Variants in SKIC3 observed in about 807,000 individuals in gnomAD.
SKIC3 encodes superkiller complex protein 3.
At chr5:95,536,949 C>T in the SKIC3 span, 1 of 1,601,660 alleles carries the variant, frequency 6.2e-7, no homozygotes, top group Non-Finnish European at 8.6e-7. Context: ...AAGCAAAATA[C>T]ACTACATTCT....
At chr5:95,535,643 A>G in the SKIC3 span, among the ~76,000 whole-genome samples, 30 of 151,992 alleles carry the variant, frequency 2.0e-4, no homozygotes, top group Non-Finnish European at 2.2e-4. Flanking sequence ...ACACCAGGAA[A>G]AAAAAAAAAG....
chr5:95,531,819 C>T, the SKIC3 span, among the ~76,000 whole-genome samples: 1 of 152,050 alleles, frequency 6.6e-6, no homozygotes, highest in African/African-American at 2.4e-5. Flanking sequence ...ATATTCTGCC[C>T]TTATTGCCTC....
At chr5:95,525,819 T>A in the SKIC3 span, 4 of 735,654 alleles carry the variant, frequency 5.4e-6, no homozygotes, top group African/African-American at 1.8e-5. Flanking sequence ...TAATAACACA[T>A]CTTCACTCTT....
the SKIC3 span, among the ~76,000 whole-genome samples, chr5:95,532,484 A>C: frequency 3.3e-5 from 5 of 152,122 alleles, no homozygotes; most frequent in African/African-American, 1.2e-4. Flanking sequence ...AACAACACTA[A>C]TGATCCTTGT....
the SKIC3 span, among the ~76,000 whole-genome samples, chr5:95,510,792 A>G: frequency 6.6e-6 from 1 of 152,204 alleles, no homozygotes; most frequent in Non-Finnish European, 1.5e-5. Context: ...CCGGCTCTGC[A>G]TGAATTTCTC....
At chr5:95,548,723 G>A in the SKIC3 span, 1 of 151,460 alleles carries the variant, frequency 6.6e-6, no homozygotes, top group African/African-American at 2.4e-5. Flanking sequence ...AGACTAAAAA[G>A]AAGAAAATAA....
At chr5:95,479,679 G>C in the SKIC3 span, among the ~76,000 whole-genome samples, 1 of 54,486 alleles carries the variant, frequency 1.8e-5, no homozygotes, top group South Asian at 5.6e-4. Flanking sequence ...AAAACATTGT[G>C]TGTGTGTGTG....
At chr5:95,495,115 A>G in the SKIC3 span, 2 of 1,213,172 alleles carry the variant, frequency 1.6e-6, no homozygotes, top group South Asian at 2.5e-5. Context: ...ATCACTGGAA[A>G]GGTTCAGTTT....
At chr5:95,506,363 G>T in the SKIC3 span, among the ~76,000 whole-genome samples, 1 of 152,104 alleles carries the variant, frequency 6.6e-6, no homozygotes, top group Non-Finnish European at 1.5e-5. Flanking sequence ...GGCAGCTCTA[G>T]GATGCTGCCT....
At chr5:95,496,100 C>A in the SKIC3 span, among the ~76,000 whole-genome samples, 88 of 152,056 alleles carry the variant, frequency 5.8e-4, no homozygotes, top group African/African-American at 2.1e-3. Context: ...TCACTGCAAC[C>A]TCCGCCTCCC....
chr5:95,533,593 C>T, the SKIC3 span, among the ~76,000 whole-genome samples: 1 of 152,182 alleles, frequency 6.6e-6, no homozygotes, highest in Non-Finnish European at 1.5e-5. Flanking sequence ...GGAAAGAACT[C>T]TTCCCTGATT....
At chr5:95,520,385 A>C in the SKIC3 span, among the ~76,000 whole-genome samples, 3 of 150,736 alleles carry the variant, frequency 2.0e-5, no homozygotes, top group Non-Finnish European at 4.4e-5. Flanking sequence ...ATCGGTTCCA[A>C]TTAAAGATAC....
At chr5:95,522,966 T>C in the SKIC3 span, among the ~76,000 whole-genome samples, 1 of 152,184 alleles carries the variant, frequency 6.6e-6, no homozygotes, top group Non-Finnish European at 1.5e-5. Context: ...TGAGAACTAC[T>C]ATACATATGT....
At chr5:95,511,851 G>T in the SKIC3 span, among the ~76,000 whole-genome samples, 2 of 152,284 alleles carry the variant, frequency 1.3e-5, no homozygotes, top group South Asian at 4.1e-4. Flanking sequence ...TTCAGTCAAG[G>T]CTACTAAGTG....
the SKIC3 span, among the ~76,000 whole-genome samples, chr5:95,473,909 A>G: frequency 1.4e-4 from 22 of 152,128 alleles, no homozygotes; most frequent in African/African-American, 2.4e-4. Flanking sequence ...GAAGCTCTTT[A>G]ATTAGGTCCC....
the SKIC3 span, chr5:95,513,512 T>C: frequency 7.7e-6 from 12 of 1,560,608 alleles, no homozygotes; most frequent in Non-Finnish European, 1.1e-5. Flanking sequence ...TTCATTCCCT[T>C]AACAAGGATA....
the SKIC3 span, chr5:95,495,056 A>C: frequency 6.2e-7 from 1 of 1,603,338 alleles, no homozygotes; most frequent in Non-Finnish European, 8.5e-7. Context: ...CAAATGCAGA[A>C]ACTTTCATGA....
the SKIC3 span, among the ~76,000 whole-genome samples, chr5:95,503,384 A>G: frequency 1.3e-5 from 2 of 152,242 alleles, no homozygotes; most frequent in Non-Finnish European, 2.9e-5. Flanking sequence ...AATGCTCTAT[A>G]CACATGTGGG....
chr5:95,485,708 G>A, the SKIC3 span, among the ~76,000 whole-genome samples: 1 of 152,208 alleles, frequency 6.6e-6, no homozygotes, highest in East Asian at 1.9e-4. Context: ...TAAATATTTG[G>A]TAAAATTCAC....
Sources: gnomAD v4.1 joint callset for allele counts (sites outside exome capture counted in the v4.1 genomes callset) on GRCh38, gnomAD v4.1.1 for gene constraint, MANE v1.5 for transcripts, NCBI Gene and HGNC (gene_info 2026-07-23, HGNC 2026-07-21) for gene names.